Variants in FRAS1 observed in about 807,000 individuals in gnomAD.
FRAS1 encodes Fraser extracellular matrix complex subunit 1.
In FRAS1, 290 loss-of-function variants were observed where a neutral mutation model predicts 435.2. That is an observed-to-expected ratio of 0.67 (90% confidence interval 0.61 to 0.73). The LOEUF (loss-of-function observed/expected upper bound fraction) is 0.73. Among genes scored for constraint, FRAS1 ranks in the 30% least tolerant of loss-of-function variants. FRAS1 has a pLI of 0.00. For missense variants in FRAS1, 4,860 were observed against 5,001.5 expected (o/e 0.97, Z 0.85); for synonymous variants, 1,800 against 1,851.0 (o/e 0.97, Z 0.71).
chr4:78,140,688 TAC>T, intron 2 of FRAS1, among the ~76,000 whole-genome samples: 1 of 148,440 alleles, frequency 6.7e-6, no homozygotes, highest in South Asian at 2.1e-4. Context: ...TATATGCATA[TAC>T]ATATGTGTAT....
rs771420608 is a variant in FRAS1 at position 78,452,158 on chromosome 4, AT to A, written c.6584-14del. 1 of 1,610,030 alleles carries A rather than the reference AT, an allele frequency of 6.2e-7. No individual in the cohort carries two copies. Among genetic ancestry groups the A allele is most frequent in the Non-Finnish European group, 8.5e-7 (1 of 1,176,484 alleles). On this transcript the variant is annotated splice_polypyrimidine_tract_variant and intron_variant, in intron 46 of 73. Coordinates refer to ENST00000512123, the MANE Select transcript of FRAS1 (RefSeq NM_025074.7). ...TGAGAAGATCCCATTTCAAATCACT[AT>A]TTCTGATATTTTCAGAAGACAAATC...
Position 78,307,819 on chromosome 4 carries a change from C to T in FRAS1, c.1535-247C>T, listed in dbSNP as rs550132749. 3.9e-3 allele frequency among the ~76,000 whole-genome samples: 595 copies of T among 152,302 alleles called. 5 individuals carry two copies. Among genetic ancestry groups the T allele is most frequent in the African/African-American group, 0.013 (556 of 41,564 alleles). On this transcript the variant is annotated intron_variant, in intron 14 of 73. Coordinates refer to ENST00000512123, the MANE Select transcript of FRAS1 (RefSeq NM_025074.7). ...AAATGCAGAAATCACCCGTCTTCTG[C>T]GTTGCTCACGTTGGGAGCTGTAGGC...
chr4:78,209,105 A>G (rs1208568458), intron 2 of FRAS1, among the ~76,000 whole-genome samples: 1 of 152,136 alleles, frequency 6.6e-6, no homozygotes, highest in Non-Finnish European at 1.5e-5. Flanking sequence ...TGGTCGTGCC[A>G]TGACACTCCA....
At chr4:78,274,106 G>A (rs1726866873) in intron 9 of FRAS1, among the ~76,000 whole-genome samples, 1 of 152,176 alleles carries the variant, frequency 6.6e-6, no homozygotes, top group Non-Finnish European at 1.5e-5. Context: ...TTGCATAGAG[G>A]TGTTTATAGT....
intron 2 of FRAS1, 140 bp downstream of exon 2, chr4:78,066,156 G>C: frequency 1.5e-6 from 1 of 679,700 alleles, no homozygotes; most frequent in Admixed American, 2.4e-5. Context: ...CCTCATTCGG[G>C]CACAATGATG....
chr4:78,301,485 T>A (rs1273124853), intron 14 of FRAS1, among the ~76,000 whole-genome samples: 1 of 152,016 alleles, frequency 6.6e-6, no homozygotes, highest in Non-Finnish European at 1.5e-5. Context: ...TGTGAGTTCT[T>A]AAGACACATG....
At chr4:78,093,240 G>C (rs1370457876) in intron 2 of FRAS1, among the ~76,000 whole-genome samples, 1 of 152,164 alleles carries the variant, frequency 6.6e-6, no homozygotes, top group Non-Finnish European at 1.5e-5. Context: ...TTCCAAAATG[G>C]AAAAACACTG....
intron 26 of FRAS1, among the ~76,000 whole-genome samples, chr4:78,378,645 G>C (rs898300980): frequency 2.6e-5 from 4 of 152,244 alleles, no homozygotes; most frequent in African/African-American, 7.2e-5. Flanking sequence ...ACCTGCTCAT[G>C]TGCTTATTGG....
chr4:78,127,088 A>T lies in FRAS1; in HGVS notation c.108+61072A>T, dbSNP rs568084175. Among the ~76,000 whole-genome samples, 96 of 146,166 alleles carry T rather than the reference A, an allele frequency of 6.6e-4. 1 individual carries two copies. Among genetic ancestry groups the T allele is most frequent in the Middle Eastern group, 6.8e-3 (2 of 294 alleles). On this transcript the variant is annotated intron_variant, in intron 2 of 73. Transcript: ENST00000512123. ...ACCAGACATATGTAATCCTATGTTC[A>T]TGGAAACAAGAATCTTAATAATGGA...
rs111338510 is a variant in FRAS1 at position 78,449,106 on chromosome 4, G to C, written c.6274+790G>C. 3.7e-3 allele frequency among the ~76,000 whole-genome samples: 556 copies of C among 152,252 alleles called. 3 individuals are homozygous for C. The highest frequency in any genetic ancestry group is 0.013 in the African/African-American group (520 of 41,536). On this transcript the variant is annotated intron_variant, in intron 44 of 73. Coordinates refer to ENST00000512123, the MANE Select transcript of FRAS1 (RefSeq NM_025074.7). ...ATAAACTATCCTGTTACTGTTTCATGGATGCTGGTAGAAGATACAAGATTC... is the reference window on the plus strand; with the variant it reads ...ATAAACTATCCTGTTACTGTTTCATCGATGCTGGTAGAAGATACAAGATTC...
rs565001049 is a variant in FRAS1 at position 78,204,932 on chromosome 4, G to T, written c.109-32578G>T. Among the ~76,000 whole-genome samples, 510 of 152,250 alleles carry T rather than the reference G, an allele frequency of 3.3e-3. 5 individuals carry two copies. Among genetic ancestry groups the T allele is most frequent in the African/African-American group, 0.011 (475 of 41,550 alleles). On this transcript the variant is annotated intron_variant, in intron 2 of 73. Transcript: ENST00000512123. ...GATCAGTAAAAGATACTAGTTTCCA[G>T]CAGGGCATAGTTGTTAAGGAGACTC...
intron 2 of FRAS1, among the ~76,000 whole-genome samples, chr4:78,229,805 C>T (rs1724444577): frequency 6.6e-6 from 1 of 152,110 alleles, no homozygotes; most frequent in African/African-American, 2.4e-5. Flanking sequence ...TGCCTTTTCA[C>T]ACCTTATTCC....
intron 2 of FRAS1, among the ~76,000 whole-genome samples, chr4:78,192,766 A>G (rs543029290): frequency 3.0e-4 from 46 of 151,994 alleles, no homozygotes; most frequent in Admixed American, 1.6e-3. Flanking sequence ...TTGTGTCTCT[A>G]TTTCCTTCAG....
intron 2 of FRAS1, among the ~76,000 whole-genome samples, chr4:78,237,034 A>G (rs2110114321): frequency 6.6e-6 from 1 of 152,090 alleles, no homozygotes; most frequent in Middle Eastern, 3.4e-3. Context: ...CTTGTTTCTG[A>G]TGAATGTTAG....
At chr4:78,302,036 G>A (rs1235222452) in intron 14 of FRAS1, among the ~76,000 whole-genome samples, 4 of 150,964 alleles carry the variant, frequency 2.6e-5, no homozygotes, top group Admixed American at 1.3e-4. Context: ...ACCAGAGTGT[G>A]ATGTTCCCCT....
At chr4:78,261,177 TTTAA>T (rs1343448388) in intron 6 of FRAS1, among the ~76,000 whole-genome samples, 6 of 152,294 alleles carry the variant, frequency 3.9e-5, no homozygotes, top group African/African-American at 7.2e-5. Flanking sequence ...ATAATTTTGC[TTTAA>T]TTAAGTCTTT....
In FRAS1 at chr4:78,540,940, T is replaced by C. The variant is rs35379534; in HGVS notation, c.11855T>C (p.Val3952Ala). ...GAAGAATATCCTCTGAATACCAAGG[T>C]AGAAGTGCCCAAGAGGCACCCGGAC... ...ILEEYPLNTK[V>A]EVPKRHPDRV... The change falls in exon 74 of 74, where the codon GTA becomes GCA. Residue 3952 changes from valine (V) to alanine (A), a missense_variant. By Grantham distance (64) the Val-to-Ala change is moderately conservative (BLOSUM62 0). Coordinates refer to ENST00000512123, the MANE Select transcript of FRAS1 (RefSeq NM_025074.7). 2,615 of 1,613,656 alleles carry C rather than the reference T, an allele frequency of 1.6e-3. 43 individuals carry two copies. The African/African-American group carries it at 0.031, about 19-fold the overall frequency.
At chr4:78,061,173 A>C (rs560041871) in intron 1 of FRAS1, among the ~76,000 whole-genome samples, 1 of 152,204 alleles carries the variant, frequency 6.6e-6, no homozygotes, top group Non-Finnish European at 1.5e-5. Context: ...AGAAATATCA[A>C]AAGAAAAATA....
At chr4:78,119,055 A>G (rs1578136656) in intron 2 of FRAS1, among the ~76,000 whole-genome samples, 2 of 152,058 alleles carry the variant, frequency 1.3e-5, no homozygotes, top group South Asian at 2.1e-4. Flanking sequence ...TTATCTTATC[A>G]TGTTCTTTTA....
Sources: gnomAD v4.1 joint callset for allele counts (sites outside exome capture counted in the v4.1 genomes callset) on GRCh38, gnomAD v4.1.1 for gene constraint, MANE v1.5 for transcripts, NCBI Gene and HGNC (gene_info 2026-07-23, HGNC 2026-07-21) for gene names.